The following CLCN2 variants were observed in gnomAD, a reference collection of about 807,000 sequenced individuals.
CLCN2 encodes the protein chloride channel protein 2.
A neutral mutation model predicts 108.3 loss-of-function variants in CLCN2; 72 were observed. The ratio of observed to expected loss-of-function variants is 0.66; its 90% CI spans 0.55 to 0.81. CLCN2 has a LOEUF of 0.81. Ranked by LOEUF, CLCN2 falls within the 30% of genes least tolerant of loss-of-function variation. CLCN2 has a pLI of 0.00. For synonymous variants in CLCN2, 471 were observed against 467.1 expected (o/e 1.01, Z -0.11); for missense variants, 1,048 against 1,205.2 (o/e 0.87, Z 1.93).
chr3:184,358,875 G>T (rs987868970), intron 2 of CLCN2, 62 bp from the exon 3 acceptor site: 5 of 1,613,152 alleles, frequency 3.1e-6, no homozygotes, highest in Middle Eastern at 1.7e-4. Context: ...CCCTTTTACT[G>T]CCCCCTCAAC....
In CLCN2 at chr3:184,353,036, T is replaced by A. The variant is rs764477277; in HGVS notation, c.2140A>T (p.Thr714Ser). Residue 714 changes from threonine to serine, a missense_variant, in exon 18 of 24, where the codon ACA becomes TCA. Physicochemically the swap from Thr to Ser is moderately conservative, Grantham distance 58. Coordinates refer to ENST00000265593, the MANE Select transcript of CLCN2 (RefSeq NM_004366.6). ...GACACAGGAGACATGGGCTTACCTG[T>A]GGGACTCTCTCCGAGGTTCCTGGTG... The part of the protein sequence containing the change: ...SVTRNLGESP[T>S]GSAESAGIAL... 1 of 1,613,516 alleles carries A rather than the reference T, an allele frequency of 6.2e-7. No individual in the cohort carries two copies. The highest frequency in any genetic ancestry group is 8.5e-7 in the Non-Finnish European group (1 of 1,179,556).
Position 184,346,923 on chromosome 3 carries a change from C to A in CLCN2, c.2502+12G>T. On this transcript the variant is annotated intron_variant, in intron 23 of 23. Coordinates refer to ENST00000265593, the MANE Select transcript of CLCN2 (RefSeq NM_004366.6). The surrounding 1 kb of genome is among the most constrained non-coding windows in gnomAD (Gnocchi z 6.0). ...GGAAGTGGAGCAGCTTTGGAGGCCACCATCACCTCACCTCCTTTAGAGTAA... is the reference window on the plus strand; with the variant it reads ...GGAAGTGGAGCAGCTTTGGAGGCCAACATCACCTCACCTCCTTTAGAGTAA... 1 of 1,613,170 alleles carries A rather than the reference C, an allele frequency of 6.2e-7. No homozygotes were observed. The highest frequency in any genetic ancestry group is 8.5e-7 in the Non-Finnish European group (1 of 1,179,092).
chr3:184,347,158 T>C, intron 22 of CLCN2, 137 bp from the exon 23 acceptor site: 4 of 751,764 alleles, frequency 5.3e-6, no homozygotes, highest in Non-Finnish European at 9.7e-6. Context: ...ACAGGACTGC[T>C]GGAGGGAAAA....
In CLCN2 at chr3:184,355,106, C is replaced by T; in HGVS notation, c.1327-133G>A. On this transcript the variant is annotated intron_variant, in intron 12 of 23. Transcript: ENST00000265593. The surrounding 1 kb of genome is among the most constrained non-coding windows in gnomAD (Gnocchi z 6.3). The stretch of plus-strand genomic sequence containing the variant: ...CCCAGCCACCCCGTAACCCTCCTAG[C>T]TACCCTGGGACCCCCAGGCCTCCCA... The T allele has an allele frequency of 2.2e-6, 2 of 922,920 alleles. No homozygotes were observed. Among genetic ancestry groups the T allele is most frequent in the Admixed American group, 4.0e-5 (2 of 49,458 alleles). 57.2% of individuals were successfully genotyped at this position (922,920 alleles called of 1,614,324 possible).
At position 184,346,671 on chromosome 3, in the gene CLCN2, GC is replaced by G; in HGVS notation, c.2631del (p.His879ThrfsTer31). On this transcript the variant is annotated frameshift_variant, in exon 24 of 24. Coordinates refer to ENST00000265593, the MANE Select transcript of CLCN2 (RefSeq NM_004366.6). LOFTEE classifies it high-confidence loss of function. This position sits in a 1 kb window ranked among gnomAD's most constrained non-coding sequence, Gnocchi z 6.0. ...CGGGGGAGGCCATGACGGGAGTGGG[GC>G]CCCCAGAGTGCATGCACCTCAGTGG... ...TETTEVHALW[G>X]PHSRHGLPRE... The G allele has an allele frequency of 6.2e-7, 1 of 1,614,146 alleles. No homozygotes were observed. The highest frequency in any genetic ancestry group is 8.5e-7 in the Non-Finnish European group (1 of 1,180,024).
intron 2 of CLCN2, 58 bp downstream of exon 2, chr3:184,358,917 G>C (rs1470388620): frequency 6.2e-7 from 1 of 1,613,172 alleles, no homozygotes; most frequent in African/African-American, 1.3e-5. Context: ...AGCTCTAATG[G>C]CCTCTGCTTC....
rs1712086190 is a variant in CLCN2 at position 184,361,384 on chromosome 3, C to G, written c.63+33G>C. Reference sequence around the variant, plus strand: ...GTAACCTGGAGCAGGGGTCCCGGAGCGCACTCCTGGGGCTCAGCTCAGCTT... The same window carrying G: ...GTAACCTGGAGCAGGGGTCCCGGAGGGCACTCCTGGGGCTCAGCTCAGCTT... On this transcript the variant is annotated intron_variant, in intron 1 of 23. Transcript: ENST00000265593. The surrounding 1 kb of genome is among the most constrained non-coding windows in gnomAD (Gnocchi z 6.6). 1.2e-6 allele frequency: 2 copies of G among 1,605,384 alleles called. No individual in the cohort carries two copies. Among genetic ancestry groups the G allele is most frequent in the Non-Finnish European group, 1.7e-6 (2 of 1,172,406 alleles).
At position 184,352,589 on chromosome 3, in the gene CLCN2, G is replaced by A. The variant is rs3749224; in HGVS notation, c.2218-93C>T. The A allele has an allele frequency of 3.8e-3, 5,621 of 1,475,474 alleles. 240 individuals are homozygous for A. The East Asian group carries it at 0.1, about 26-fold the overall frequency. The allele number at this position is 1,475,474 out of a possible 1,614,324, so 91.4% of individuals were successfully genotyped here. A position where few individuals can be genotyped will look rare whatever the true frequency, so the allele number is the denominator to read the frequency against. On this transcript the variant is annotated intron_variant, in intron 19 of 23. Transcript: ENST00000265593. ...GGAAGTGGTGGAGCCCAGGGGAAAG[G>A]GCACGCCACAGGACCTGAGCTGACA...
intron 22 of CLCN2, 196 bp from the exon 23 acceptor site, chr3:184,347,217 G>A (rs1727742241): frequency 1.6e-6 from 1 of 640,158 alleles, no homozygotes; most frequent in Non-Finnish European, 2.8e-6. Context: ...CCAGGCCTCA[G>A]GAACTTGATA....
chr3:184,358,008 A>G lies in CLCN2; in HGVS notation c.569T>C (p.Ile190Thr), dbSNP rs752593608. 3 of 1,614,092 alleles carry G rather than the reference A, an allele frequency of 1.9e-6. No homozygotes were observed. Among genetic ancestry groups the G allele is most frequent in the Admixed American group, 1.7e-5 (1 of 60,034 alleles). ...GCTGCCTAGGGCGCAGGTCAGCCCA[A>G]TGACCTTAGCTATAAAGGTCTTGAG... Reference protein sequence around the residue: ...LTLKTFIAKVIGLTCALGSGM... With the variant: ...LTLKTFIAKVTGLTCALGSGM... The change falls in exon 5 of 24, where the codon ATT (isoleucine) becomes ACT (threonine). Residue 190 changes from isoleucine (I) to threonine (T), a missense_variant. Ile to Thr is a moderately conservative substitution (Grantham distance 89). Transcript: ENST00000265593.
intron 16 of CLCN2, 100 bp from the exon 17 acceptor site, chr3:184,353,522 C>A: frequency 6.5e-7 from 1 of 1,542,292 alleles, no homozygotes; most frequent in Non-Finnish European, 8.8e-7. Context: ...GCAGGCCACA[C>A]ACCAGAGGGA....
chr3:184,354,990 G>T lies in CLCN2; in HGVS notation c.1327-17C>A, dbSNP rs752807616. On this transcript the variant is annotated splice_polypyrimidine_tract_variant and intron_variant, in intron 12 of 23. Coordinates refer to ENST00000265593, the MANE Select transcript of CLCN2 (RefSeq NM_004366.6). Reference sequence around the variant, plus strand: ...CATCCAGAACTGCAGGCAGGGGGTGGTTCAAAGGCGAAGAGGCTCCACCTG... The same window carrying T: ...CATCCAGAACTGCAGGCAGGGGGTGTTTCAAAGGCGAAGAGGCTCCACCTG... 6.2e-7 allele frequency: 1 copy of T among 1,613,052 alleles called. No homozygotes were observed. The highest frequency in any genetic ancestry group is 2.2e-5 in the East Asian group (1 of 44,872).
Position 184,358,260 on chromosome 3 carries a change from G to C in CLCN2, c.403C>G (p.Leu135Val). 3 of 1,614,196 alleles carry C rather than the reference G, an allele frequency of 1.9e-6. No homozygotes were observed. The highest frequency in any genetic ancestry group is 2.5e-6 in the Non-Finnish European group (3 of 1,180,040). Reference protein sequence around the residue: ...GLNTSILLQYLAWVTYPVVLI... With the variant: ...GLNTSILLQYVAWVTYPVVLI... ...ACAACAGGGTAGGTGACCCAGGCCA[G>C]GTACTGGAGCAAGATGCTGGTGTTC... The change falls in exon 4 of 24, where the codon CTG (leucine) becomes GTG (valine). Residue 135 changes from leucine to valine, a missense_variant. By Grantham distance (32) the Leu-to-Val change is conservative (BLOSUM62 1). Coordinates refer to ENST00000265593, the MANE Select transcript of CLCN2 (RefSeq NM_004366.6).
Position 184,358,985 on chromosome 3 carries a change from G to A in CLCN2, c.210C>T (p.Ala70=), listed in dbSNP as rs776783563. 7 of 1,613,526 alleles carry A rather than the reference G, an allele frequency of 4.3e-6. No homozygotes were observed. In the Admixed American group the frequency reaches 1.2e-4, roughly 27 times the overall value. ...ELLEYGRSRC[A]RCRVCSVRCH... is the part of the protein sequence containing the mutation. ...CACCCCAGTTCTCACCGCGGCATCG[G>A]GCGCAACGGCTCCGTCCATATTCCA... Residue 70 remains alanine, a synonymous_variant, in exon 2 of 24, where the codon GCC becomes GCT. Coordinates refer to ENST00000265593, the MANE Select transcript of CLCN2 (RefSeq NM_004366.6).
chr3:184,358,865 C>A (rs765612224), intron 2 of CLCN2, 52 bp from the exon 3 acceptor site: 8 of 1,613,404 alleles, frequency 5.0e-6, no homozygotes, highest in Non-Finnish European at 6.8e-6. Context: ...GTGCTCCTAC[C>A]CCTTTTACTG....
intron 18 of CLCN2, 36 bp downstream of exon 18, chr3:184,352,997 G>T: frequency 6.3e-7 from 1 of 1,591,154 alleles, no homozygotes; most frequent in Non-Finnish European, 8.6e-7. Flanking sequence ...CAGTAGCTTG[G>T]CTGAGGCTCT....
rs200912095 is a variant in CLCN2 at position 184,357,710 on chromosome 3, G to T, written c.694-12C>A. The stretch of plus-strand genomic sequence containing the variant: ...TTCCGGGATTCATTCTGGCGAGAGT[G>T]GTGGCAAGAGGGGGTCAGCTGTGGG... On this transcript the variant is annotated splice_polypyrimidine_tract_variant and intron_variant, in intron 6 of 23. Coordinates refer to ENST00000265593, the MANE Select transcript of CLCN2 (RefSeq NM_004366.6). 8 of 1,614,084 alleles carry T rather than the reference G, an allele frequency of 5.0e-6. No individual in the cohort carries two copies. The highest frequency in any genetic ancestry group is 5.9e-6 in the Non-Finnish European group (7 of 1,180,036).
At chr3:184,354,786 G>C (rs1269662566) in intron 13 of CLCN2, 118 bp downstream of exon 13, 26 of 1,342,052 alleles carry the variant, frequency 1.9e-5, no homozygotes, top group Non-Finnish European at 2.6e-5. Context: ...AGCCCTGTGG[G>C]GTCAGGGTTC....
At chr3:184,358,871 T>A in intron 2 of CLCN2, 58 bp from the exon 3 acceptor site, 1 of 1,613,506 alleles carries the variant, frequency 6.2e-7, no homozygotes. Context: ...CTACCCCTTT[T>A]ACTGCCCCCT....
Sources: gnomAD v4.1 joint callset for allele counts on GRCh38, gnomAD v4.1.1 for gene constraint, Gnocchi (gnomAD v3.1) non-coding constraint, MANE v1.5 for transcripts, NCBI Gene and HGNC (gene_info 2026-07-23, HGNC 2026-07-21) for gene names.